RAPSN: variants seen among roughly 807,000 people sequenced by gnomAD.
The protein encoded by RAPSN is receptor associated protein of the synapse.
A neutral mutation model predicts 45.7 loss-of-function variants in RAPSN; 33 were observed. The observed-to-expected ratio is 0.72, with a 90% CI of 0.55 to 0.97. The LOEUF (loss-of-function observed/expected upper bound fraction) is 0.97, where lower values mean the gene tolerates loss of function less well. Among genes scored for constraint, RAPSN ranks in the 50% least tolerant of loss-of-function variants. The probability of loss-of-function intolerance (pLI) is 0.00; values close to 1 mark genes in which losing one functional copy is unlikely to be tolerated. For missense variants in RAPSN, 519 were observed against 559.4 expected, an observed-to-expected ratio of 0.93 and a Z score of 0.73; for synonymous variants, 244 against 233.6, an observed-to-expected ratio of 1.04 and a Z score of -0.40.
At chr11:47,445,522 G>C (rs2076398979) in intron 2 of RAPSN, among the ~76,000 whole-genome samples, 1 of 150,026 alleles carries the variant, frequency 6.7e-6, no homozygotes, top group Non-Finnish European at 1.5e-5. Context: ...CTTGAACCCG[G>C]GAGGCAGAAG....
chr11:47,441,337 C>T (rs2076360500), intron 5 of RAPSN, 125 bp from the exon 6 acceptor site: 1 of 1,337,120 alleles, frequency 7.5e-7, no homozygotes, highest in African/African-American at 1.4e-5. Flanking sequence ...TGTGTGAAGG[C>T]AGCAGGAAGA....
intron 2 of RAPSN, among the ~76,000 whole-genome samples, chr11:47,446,499 C>T (rs542930059): frequency 1.3e-5 from 2 of 152,272 alleles, no homozygotes; most frequent in African/African-American, 4.8e-5. Context: ...TTGGATCCAT[C>T]AGCATTTATC....
At chr11:47,439,149 A>G (rs535922592) in intron 6 of RAPSN, among the ~76,000 whole-genome samples, 15 of 152,274 alleles carry the variant, frequency 9.9e-5, no homozygotes, top group Middle Eastern at 6.8e-3. Flanking sequence ...TTTTTGACAG[A>G]TTTTATGACC....
intron 7 of RAPSN, chr11:47,438,499 TTTTAGTAGAGACGGGG>T: frequency 1.7e-6 from 1 of 585,788 alleles, no homozygotes; most frequent in East Asian, 2.8e-5. Flanking sequence ...ATTTTTGTAT[TTTTAGTAGAGACGGGG>T]TTTCACCATG....
chr11:47,441,234 G>C (rs1416490643), intron 5 of RAPSN, 22 bp from the exon 6 acceptor site: 2 of 1,612,904 alleles, frequency 1.2e-6, no homozygotes, highest in Admixed American at 1.7e-5. Flanking sequence ...GCATAGGCCA[G>C]GGCTGCGGGC....
intron 2 of RAPSN, among the ~76,000 whole-genome samples, chr11:47,446,948 T>G (rs1195154253): frequency 1.3e-5 from 2 of 152,154 alleles, no homozygotes; most frequent in Non-Finnish European, 2.9e-5. Context: ...CTGCTGTGGC[T>G]GATCCTATCA....
chr11:47,442,916 G>A, intron 2 of RAPSN, 102 bp from the exon 3 acceptor site: 1 of 1,568,166 alleles, frequency 6.4e-7, no homozygotes, highest in African/African-American at 1.3e-5. Flanking sequence ...TAGGGGCAGG[G>A]GGCCCGAGTG....
At position 47,438,844 on chromosome 11, in the gene RAPSN, A is replaced by G; in HGVS notation, c.1054T>C (p.Phe352Leu). The G allele has an allele frequency of 6.4e-7, 1 of 1,573,292 alleles. No homozygotes were observed. Among genetic ancestry groups the G allele is most frequent in the Non-Finnish European group, 8.6e-7 (1 of 1,158,624 alleles). ...QRELRAHVVRFHECVEETELY... is the reference protein window; with the variant it reads ...QRELRAHVVRLHECVEETELY... ...TCCGTCTCCTCCACGCACTCGTGGA[A>G]CCTCACAACGTGCGCCCGCAGTTCC... Residue 352 changes from phenylalanine to leucine, a missense_variant, in exon 7 of 8, where the codon TTC becomes CTC. Phe to Leu is a conservative substitution (Grantham distance 22). Transcript: ENST00000298854.
rs150051760 is a variant in RAPSN at position 47,448,132 on chromosome 11, C to T, written c.211G>A (p.Asp71Asn). The T allele has an allele frequency of 3.1e-6, 5 of 1,612,304 alleles. No individual in the cohort carries two copies. The highest frequency in any genetic ancestry group is 1.6e-4 in the Middle Eastern group (1 of 6,062). ...EMLKFAVVQI[D>N]TARELEDADF... ...GCATCCTCCAGCTCCCGGGCCGTGT[C>T]GATCTGGACCACAGCGAACTGCACA... The change falls in exon 2 of 8, where the codon GAC (aspartate) becomes AAC (asparagine). Residue 71 changes from aspartate to asparagine, a missense_variant. Coordinates refer to ENST00000298854, the MANE Select transcript of RAPSN (RefSeq NM_005055.5).
At chr11:47,446,330 AG>A (rs1220722444) in intron 2 of RAPSN, among the ~76,000 whole-genome samples, 10 of 152,064 alleles carry the variant, frequency 6.6e-5, no homozygotes, top group African/African-American at 2.4e-4. Flanking sequence ...GTGAGCCACC[AG>A]GCCTAGCTTA....
At position 47,449,069 on chromosome 11, in the gene RAPSN, G is replaced by C; in HGVS notation, c.-105C>G. 1 of 1,417,486 alleles carries C rather than the reference G, an allele frequency of 7.1e-7. No individual in the cohort carries two copies. Among genetic ancestry groups the C allele is most frequent in the Non-Finnish European group, 9.9e-7 (1 of 1,009,020 alleles). The allele number at this position is 1,417,486 out of a possible 1,614,324, so 87.8% of individuals were successfully genotyped here. ...GTGCCAGCTGCCCCCCGAAACGTGG[G>C]AACAAAAGCAGCGTCGGGTGGGAGC... On this transcript the variant is annotated 5_prime_UTR_variant, in exon 1 of 8. Transcript: ENST00000298854.
At chr11:47,444,353 C>T (rs894725002) in intron 2 of RAPSN, among the ~76,000 whole-genome samples, 1 of 151,988 alleles carries the variant, frequency 6.6e-6, no homozygotes, top group Non-Finnish European at 1.5e-5. Flanking sequence ...GCCTGGGCAA[C>T]ATTGCAAGAC....
At chr11:47,445,593 C>CAAA (rs61001294) in intron 2 of RAPSN, among the ~76,000 whole-genome samples, 19,302 of 58,042 alleles carry the variant, frequency 0.33, 3,032 homozygotes, top group Non-Finnish European at 0.42. Context: ...GAGACTGTCT[C>CAAA]AAAAAAAAAA....
rs145180719 is a variant in RAPSN at position 47,448,253 on chromosome 11, C to A, written c.193-103G>T. On this transcript the variant is annotated intron_variant, in intron 1 of 7. Transcript: ENST00000298854. ...GACCTGGAGGCCCCACACCCACCCC[C>A]CAGCCTCACACCCAAAGCAGCAGAT... is the stretch of plus-strand genomic sequence containing the variant. 1,065 of 1,214,952 alleles carry A rather than the reference C, an allele frequency of 8.8e-4. 3 individuals carry two copies. In the African/African-American group the frequency reaches 0.015, roughly 17 times the overall value. 75.3% of individuals were successfully genotyped at this position (1,214,952 alleles called of 1,614,324 possible).
In RAPSN at chr11:47,438,047, C is replaced by T. The variant is rs1230240654; in HGVS notation, c.1167G>A (p.Arg389=). The T allele has an allele frequency of 6.5e-7, 1 of 1,549,752 alleles. No individual in the cohort carries two copies. The highest frequency in any genetic ancestry group is 8.7e-7 in the Non-Finnish European group (1 of 1,146,878). ...ALPCSHIFHL[R]CLQNNGTRSC... Reference sequence around the variant, plus strand: ...TCCGGGTCCCGTTGTTCTGCAGGCACCTGGGGAGGCAAAGGGCCCTGTCCA... The same window carrying T: ...TCCGGGTCCCGTTGTTCTGCAGGCATCTGGGGAGGCAAAGGGCCCTGTCCA... The change falls in exon 8 of 8, where the codon AGG becomes AGA. Residue 389 remains arginine (R), a splice_region_variant and synonymous_variant. Coordinates refer to ENST00000298854, the MANE Select transcript of RAPSN (RefSeq NM_005055.5).
At position 47,442,874 on chromosome 11, in the gene RAPSN, G is replaced by T. The variant is rs187296674; in HGVS notation, c.532-60C>A. On this transcript the variant is annotated intron_variant, in intron 2 of 7. Coordinates refer to ENST00000298854, the MANE Select transcript of RAPSN (RefSeq NM_005055.5). ...AGTGGCAGAGGCTGCCCCAAGTCAA[G>T]GGCTCCTGGGCTAGGTTTCTCTAAC... 5.3e-4 allele frequency: 846 copies of T among 1,606,374 alleles called. 5 individuals carry two copies. The African/African-American group carries it at 9.6e-3, about 18-fold the overall frequency.
chr11:47,441,685 C>A lies in RAPSN; in HGVS notation c.838G>T (p.Gly280Ter), dbSNP rs1262674788. The change falls in exon 5 of 8, where the codon GGA (glycine) becomes TGA (stop). Residue 280 changes from glycine to a stop codon, truncating the protein, a stop_gained. Coordinates refer to ENST00000298854, the MANE Select transcript of RAPSN (RefSeq NM_005055.5). LOFTEE classifies it high-confidence loss of function. ...DSAMSIMTEI[G>*]NRLGQVQALL... is the part of the protein sequence containing the mutation. ...GCCTGCACCTGCCCCAGGCGGTTTC[C>A]GATCTCGGTCATGATGCTCATGGCG... The A allele has an allele frequency of 6.2e-7, 1 of 1,609,732 alleles. No individual in the cohort carries two copies. The highest frequency in any genetic ancestry group is 8.5e-7 in the Non-Finnish European group (1 of 1,179,860).
intron 2 of RAPSN, among the ~76,000 whole-genome samples, chr11:47,447,155 G>C (rs1402319371): frequency 6.6e-6 from 1 of 152,018 alleles, no homozygotes; most frequent in Non-Finnish European, 1.5e-5. Context: ...TTTTTGCATG[G>C]CACACCCTCT....
At chr11:47,443,658 C>G (rs1436874703) in intron 2 of RAPSN, among the ~76,000 whole-genome samples, 1 of 152,050 alleles carries the variant, frequency 6.6e-6, no homozygotes. Context: ...CTGGGCCAGG[C>G]ACAGTGGTTC....
Sources: gnomAD v4.1 joint callset for allele counts (sites outside exome capture counted in the v4.1 genomes callset) on GRCh38, gnomAD v4.1.1 for gene constraint, MANE v1.5 for transcripts, NCBI Gene and HGNC (gene_info 2026-07-23, HGNC 2026-07-21) for gene names.